Variants in NHS observed in about 807,000 individuals in gnomAD.
The protein encoded by NHS is actin remodeling regulator NHS.
Under a neutral mutation model 72.5 loss-of-function variants are expected in NHS, and 5 were observed. That is an observed-to-expected ratio of 0.07 (90% CI 0.04 to 0.14). The LOEUF is 0.14. Among genes scored for constraint, NHS ranks in the 10% least tolerant of loss-of-function variants. The probability of loss-of-function intolerance (pLI) is 1.00; values close to 1 mark genes in which losing one functional copy is unlikely to be tolerated. For synonymous variants in NHS, 464 were observed against 547.7 expected (o/e 0.85, Z 2.13); for missense variants, 1,072 against 1,355.7 (o/e 0.79, Z 3.29).
chrX:17,635,941 C>T (rs999070585), intron 1 of NHS, among the ~76,000 whole-genome samples: 1 of 112,336 alleles, frequency 8.9e-6, no homozygotes, highest in Non-Finnish European at 1.9e-5. Context: ...TCCTCTTCTG[C>T]TCCGACATTT....
chrX:17,694,767 A>G (rs2066217232), intron 3 of NHS, among the ~76,000 whole-genome samples: 1 of 111,910 alleles, frequency 8.9e-6, no homozygotes, highest in South Asian at 3.7e-4. Context: ...CTACATAAAC[A>G]TCAGATGTTA....
intron 3 of NHS, among the ~76,000 whole-genome samples, chrX:17,704,660 G>C (rs1227121425): frequency 8.9e-6 from 1 of 111,734 alleles, no homozygotes; most frequent in Non-Finnish European, 1.9e-5. Flanking sequence ...TGGGCAGAAT[G>C]GAGGGGACTA....
intron 3 of NHS, among the ~76,000 whole-genome samples, chrX:17,696,510 G>C (rs2066231508): frequency 8.9e-6 from 1 of 112,283 alleles, no homozygotes; most frequent in African/African-American, 3.2e-5. Flanking sequence ...CAGGTAGCCT[G>C]TTCCCTGCAA....
intron 1 of NHS, among the ~76,000 whole-genome samples, chrX:17,507,313 G>A (rs1318028889): frequency 8.9e-6 from 1 of 112,117 alleles, no homozygotes; most frequent in Non-Finnish European, 1.9e-5. Flanking sequence ...GACATCTGGG[G>A]TATTTCTGTG....
chrX:17,491,434 G>A (rs769482280), intron 1 of NHS, among the ~76,000 whole-genome samples: 17 of 111,915 alleles, frequency 1.5e-4, no homozygotes, highest in East Asian at 8.4e-4. Flanking sequence ...ATTGATTTGC[G>A]TATGTTGAAC....
intron 1 of NHS, among the ~76,000 whole-genome samples, chrX:17,391,651 C>A (rs2064446103): frequency 9.0e-6 from 1 of 111,681 alleles, no homozygotes; most frequent in Non-Finnish European, 1.9e-5. Context: ...GAATGCTGCC[C>A]ATTTTCTGAC....
chrX:17,486,810 G>T (rs1406309307), intron 1 of NHS, among the ~76,000 whole-genome samples: 1 of 112,061 alleles, frequency 8.9e-6, no homozygotes, highest in Admixed American at 9.4e-5. Context: ...GTTACTGTGT[G>T]CCAGGCACTG....
At chrX:17,578,578 T>C (rs1247937847) in intron 1 of NHS, among the ~76,000 whole-genome samples, 1 of 112,189 alleles carries the variant, frequency 8.9e-6, no homozygotes, top group African/African-American at 3.2e-5. Flanking sequence ...TGAGTTCCTA[T>C]ATATCGAAAT....
chrX:17,463,172 C>T (rs1020496202), intron 1 of NHS, among the ~76,000 whole-genome samples: 2 of 112,015 alleles, frequency 1.8e-5, no homozygotes, highest in Non-Finnish European at 3.8e-5. Flanking sequence ...AAAAATCTGA[C>T]AACAGCTTAT....
At chrX:17,424,783 G>A (rs926902919) in intron 1 of NHS, among the ~76,000 whole-genome samples, 1 of 112,238 alleles carries the variant, frequency 8.9e-6, no homozygotes, top group Admixed American at 9.4e-5. Context: ...ATATGCTAAG[G>A]ATAAACCAGA....
At chrX:17,440,960 C>T in intron 1 of NHS, among the ~76,000 whole-genome samples, 1 of 111,848 alleles carries the variant, frequency 8.9e-6, no homozygotes, top group East Asian at 2.8e-4. Flanking sequence ...CATAGGTCAT[C>T]TCTCTGGGGG....
rs1439281366 is a variant in NHS at position 17,734,830 on chromosome X, G to T, written c.*2366G>T. 8.9e-6 allele frequency: 1 copy of T among 112,325 alleles called. No individual in the cohort carries two copies. The highest frequency in any genetic ancestry group is 9.4e-5 in the Admixed American group (1 of 10,616). The allele number at this position is 112,325 out of a possible 1,213,427, so 9.3% of individuals were successfully genotyped here. On this transcript the variant is annotated 3_prime_UTR_variant, in exon 9 of 9. Transcript: ENST00000676302. ...TTCCAGTCACAGTAGGCGATCTTTC[G>T]TAATTTCATAAAAGCAGTTCGTTTG...
At position 17,538,032 on chromosome X, in the gene NHS, C is replaced by T. The variant is rs1490036135; in HGVS notation, c.566-149710C>T. Among the ~76,000 whole-genome samples the T allele has an allele frequency of 2.7e-5, 3 of 111,922 alleles. No individual in the cohort carries two copies. In the Admixed American group the frequency reaches 2.8e-4, roughly 11 times the overall value. On this transcript the variant is annotated intron_variant, in intron 1 of 8. Coordinates refer to ENST00000676302, the MANE Select transcript of NHS (RefSeq NM_001291867.2). ...CTGGCTGTGGAGGCCTCCAGTGCCCCCATCTTGCGGAAGGCCAAGCATTCC... is the reference window on the plus strand; with the variant it reads ...CTGGCTGTGGAGGCCTCCAGTGCCCTCATCTTGCGGAAGGCCAAGCATTCC...
intron 3 of NHS, among the ~76,000 whole-genome samples, chrX:17,695,461 T>A (rs1275765968): frequency 1.8e-5 from 2 of 111,924 alleles, no homozygotes; most frequent in Non-Finnish European, 3.8e-5. Flanking sequence ...TTTTACATAG[T>A]TTATAAATTT....
chrX:17,658,566 A>G (rs745825268), intron 1 of NHS, among the ~76,000 whole-genome samples: 1 of 112,315 alleles, frequency 8.9e-6, no homozygotes, highest in South Asian at 3.7e-4. Flanking sequence ...CCTTTGAGAT[A>G]TCCATCATTC....
chrX:17,695,227 C>T (rs1477486408), intron 3 of NHS, among the ~76,000 whole-genome samples: 1 of 111,941 alleles, frequency 8.9e-6, no homozygotes, highest in Admixed American at 9.4e-5. Flanking sequence ...TCTAGGAATT[C>T]ACCCCAAGGC....
At chrX:17,729,622 T>C (rs2066474021) in intron 8 of NHS, among the ~76,000 whole-genome samples, 1 of 112,341 alleles carries the variant, frequency 8.9e-6, no homozygotes, top group South Asian at 3.7e-4. Context: ...TTTCCTCATC[T>C]GCCCCCATGA....
At chrX:17,410,964 C>A (rs182819664) in intron 1 of NHS, among the ~76,000 whole-genome samples, 1 of 111,366 alleles carries the variant, frequency 9.0e-6, no homozygotes, top group East Asian at 2.8e-4. Flanking sequence ...GGAGATACGT[C>A]CAACTATAAA....
chrX:17,418,584 C>T (rs1309898749), intron 1 of NHS, among the ~76,000 whole-genome samples: 4 of 111,860 alleles, frequency 3.6e-5, no homozygotes, highest in South Asian at 3.7e-4. Flanking sequence ...CTTACAGGTT[C>T]GGGCTACTTT....
Sources: allele counts gnomAD v4.1 joint callset (sites outside exome capture counted in the v4.1 genomes callset), GRCh38; gene constraint gnomAD v4.1.1; transcripts MANE v1.5; gene names NCBI Gene and HGNC (gene_info 2026-07-23, HGNC 2026-07-21).